DOCK3: variants seen among roughly 807,000 people sequenced by gnomAD.
DOCK3 encodes dedicator of cytokinesis protein 3.
DOCK3 carries 60 observed loss-of-function variants against 265.6 expected under a neutral mutation model. The observed-to-expected ratio is 0.23, with a 90% CI of 0.18 to 0.28. DOCK3 has a LOEUF of 0.28. Ranked by LOEUF, DOCK3 falls within the 10% of genes least tolerant of loss-of-function variation. The pLI, the probability that DOCK3 is intolerant of heterozygous loss-of-function variation, is 1.00. For synonymous variants in DOCK3, 881 were observed against 938.0 expected (o/e 0.94, Z 1.11); for missense variants, 1,981 against 2,594.3 (o/e 0.76, Z 5.14).
rs782311186 is a variant in DOCK3 at position 51,381,373 on chromosome 3, C to T, written c.5907C>T (p.Asp1969=). Residue 1969 remains aspartate, a synonymous_variant, in exon 53 of 53, where the codon GAC becomes GAT. Coordinates refer to ENST00000266037, the MANE Select transcript of DOCK3 (RefSeq NM_004947.5). The surrounding 1 kb of genome is among the most constrained non-coding windows in gnomAD (Gnocchi z 5.6). ...PGCVIPQDPM[D]PPALPPKPYH... ...GCGTCATCCCTCAGGACCCCATGGA[C>T]CCGCCTGCGCTGCCGCCCAAGCCCT... 2 of 1,612,882 alleles carry T rather than the reference C, an allele frequency of 1.2e-6. No homozygotes were observed. Among genetic ancestry groups the T allele is most frequent in the Non-Finnish European group, 1.7e-6 (2 of 1,179,838 alleles).
At chr3:51,079,995 C>T (rs1372790397) in intron 7 of DOCK3, among the ~76,000 whole-genome samples, 2 of 152,110 alleles carry the variant, frequency 1.3e-5, no homozygotes, top group Non-Finnish European at 2.9e-5. Flanking sequence ...TTTTTAATAG[C>T]TCAATGTTTA....
chr3:51,274,964 C>A, intron 24 of DOCK3, 115 bp from the exon 25 acceptor site: 1 of 1,303,316 alleles, frequency 7.7e-7, no homozygotes, highest in Non-Finnish European at 1.1e-6. Flanking sequence ...TTCACTTTTG[C>A]TCTAGTCTGA....
intron 4 of DOCK3, among the ~76,000 whole-genome samples, chr3:50,895,550 T>C (rs1212978893): frequency 1.3e-5 from 2 of 152,150 alleles, no homozygotes; most frequent in African/African-American, 2.4e-5. Context: ...AGTTCTGGGA[T>C]ACATGTGCAG....
intron 5 of DOCK3, among the ~76,000 whole-genome samples, chr3:51,049,829 C>CA (rs377417609): frequency 0.34 from 49,372 of 144,090 alleles, 8,589 homozygotes; most frequent in East Asian, 0.45. Flanking sequence ...ACACACACAC[C>CA]CCAAAAAAAC....
intron 22 of DOCK3, among the ~76,000 whole-genome samples, chr3:51,256,552 T>C (rs1211884067): frequency 6.6e-6 from 1 of 151,560 alleles, no homozygotes; most frequent in East Asian, 1.9e-4. Context: ...ATTACAGGTG[T>C]GAGCCATCGC....
intron 24 of DOCK3, among the ~76,000 whole-genome samples, chr3:51,273,907 C>T (rs980631618): frequency 6.6e-6 from 1 of 152,192 alleles, no homozygotes; most frequent in Non-Finnish European, 1.5e-5. Context: ...AACGCATTCA[C>T]ACTTGTATTT....
chr3:50,709,598 G>A (rs573487473), intron 1 of DOCK3, among the ~76,000 whole-genome samples: 2 of 152,222 alleles, frequency 1.3e-5, no homozygotes, highest in African/African-American at 2.4e-5. Context: ...GGCCGAGGTG[G>A]GCCTATCACG....
intron 38 of DOCK3, among the ~76,000 whole-genome samples, chr3:51,347,710 A>G (rs1292904279): frequency 6.6e-6 from 1 of 152,176 alleles, no homozygotes; most frequent in Non-Finnish European, 1.5e-5. Flanking sequence ...ATGGCATTGA[A>G]TCTATAAATT....
chr3:51,139,104 G>GTACAACCCTA (rs2084931906), intron 9 of DOCK3, among the ~76,000 whole-genome samples: 1 of 152,088 alleles, frequency 6.6e-6, no homozygotes, highest in Admixed American at 6.6e-5. Context: ...TTGTACTAGG[G>GTACAACCCTA]GTCATCTTCA....
chr3:51,146,702 C>A (rs2085318856), intron 10 of DOCK3, 72 bp downstream of exon 10: 31 of 1,383,104 alleles, frequency 2.2e-5, no homozygotes, highest in Non-Finnish European at 3.1e-5. Context: ...ATACTGTCAC[C>A]CTGGAAACAA....
intron 10 of DOCK3, among the ~76,000 whole-genome samples, chr3:51,157,653 G>A (rs1011285420): frequency 2.6e-5 from 4 of 152,282 alleles, no homozygotes; most frequent in East Asian, 1.9e-4. Flanking sequence ...CTTGAGGAGC[G>A]AGTGCCTTCT....
chr3:50,713,782 A>G (rs1467271641), intron 1 of DOCK3, among the ~76,000 whole-genome samples: 1 of 151,998 alleles, frequency 6.6e-6, no homozygotes, highest in Non-Finnish European at 1.5e-5. Flanking sequence ...ATCTTTAGTC[A>G]TCTCCAGTCT....
intron 7 of DOCK3, among the ~76,000 whole-genome samples, chr3:51,083,693 G>T (rs1268720002): frequency 2.0e-5 from 3 of 152,136 alleles, no homozygotes. Context: ...GCAAAAGAAA[G>T]ACTTTCTGGC....
chr3:50,913,016 G>A (rs1365850820), intron 4 of DOCK3, among the ~76,000 whole-genome samples: 1 of 152,040 alleles, frequency 6.6e-6, no homozygotes, highest in Non-Finnish European at 1.5e-5. Flanking sequence ...TTTCTCAAGC[G>A]GAAGTCTTGC....
chr3:50,744,020 T>A (rs2039258551), intron 1 of DOCK3, among the ~76,000 whole-genome samples: 1 of 152,216 alleles, frequency 6.6e-6, no homozygotes, highest in African/African-American at 2.4e-5. Context: ...TGGTTTAGAT[T>A]TGCATTTTCC....
intron 15 of DOCK3, among the ~76,000 whole-genome samples, chr3:51,227,031 T>A (rs1435716012): frequency 6.6e-6 from 1 of 152,156 alleles, no homozygotes; most frequent in African/African-American, 2.4e-5. Flanking sequence ...TTCTCTCTGT[T>A]TTTGAGGAGT....
At chr3:51,087,686 C>T (rs1424536530) in intron 7 of DOCK3, among the ~76,000 whole-genome samples, 3 of 152,098 alleles carry the variant, frequency 2.0e-5, no homozygotes, top group Non-Finnish European at 4.4e-5. Flanking sequence ...AGGTAGAAGT[C>T]AAATTGTTCC....
rs201761441 is a variant in DOCK3, at chr3:51,040,357, A to G, written c.316-24091A>G. On this transcript the variant is annotated intron_variant, in intron 5 of 52. Transcript: ENST00000266037. ...TGAATATTGCAATAAAGCAAGTCAC[A>G]TGAATATTTTGGTTTCCTAATGAAT... Among the ~76,000 whole-genome samples the G allele has an allele frequency of 3.3e-5, 5 of 152,216 alleles. No individual in the cohort carries two copies. In the East Asian group the frequency reaches 7.7e-4, roughly 23 times the overall value.
chr3:50,951,390 T>G (rs1390463895), intron 5 of DOCK3, among the ~76,000 whole-genome samples: 4 of 152,232 alleles, frequency 2.6e-5, no homozygotes, highest in African/African-American at 9.6e-5. Flanking sequence ...CCTCATTTCT[T>G]TTCCACATTT....
Sources: gnomAD v4.1 joint callset for allele counts (sites outside exome capture counted in the v4.1 genomes callset) on GRCh38, gnomAD v4.1.1 for gene constraint, Gnocchi (gnomAD v3.1) non-coding constraint, MANE v1.5 for transcripts, NCBI Gene and HGNC (gene_info 2026-07-23, HGNC 2026-07-21) for gene names.